The following ICA1 variants were observed in gnomAD, a reference collection of about 807,000 sequenced individuals.
The protein encoded by ICA1 is 69 kDa islet cell autoantigen.
ICA1 carries 40 observed loss-of-function variants against 71.0 expected under a neutral mutation model. The observed-to-expected ratio is 0.56, with a 90% CI of 0.44 to 0.73. The LOEUF (loss-of-function observed/expected upper bound fraction) is 0.73. ICA1 is among the 30% of genes least tolerant of loss of function. ICA1 has a pLI of 0.00. For synonymous variants in ICA1, 207 were observed against 209.5 expected (o/e 0.99, Z 0.10); for missense variants, 578 against 576.5 (o/e 1.00, Z -0.03).
At chr7:8,126,246 T>C (rs1250732265) in intron 13 of ICA1, among the ~76,000 whole-genome samples, 1 of 151,968 alleles carries the variant, frequency 6.6e-6, no homozygotes, top group Admixed American at 6.6e-5. Flanking sequence ...TGCTGGGGAG[T>C]CCTCAGCAGC....
intron 5 of ICA1, among the ~76,000 whole-genome samples, chr7:8,219,581 T>C (rs1796427582): frequency 6.6e-6 from 1 of 152,252 alleles, no homozygotes; most frequent in South Asian, 2.1e-4. Context: ...TGAGTACTTG[T>C]ATAAGAATAA....
intron 6 of ICA1, among the ~76,000 whole-genome samples, chr7:8,215,656 T>C (rs1376535728): frequency 1.3e-5 from 2 of 152,228 alleles, no homozygotes; most frequent in Non-Finnish European, 2.9e-5. Context: ...GAGTGGATAC[T>C]AAGGAATCCA....
Position 8,248,946 on chromosome 7 carries a change from TC to T in ICA1, c.-79-12942del, listed in dbSNP as rs1034377653. 7.1e-4 allele frequency among the ~76,000 whole-genome samples: 108 copies of T among 152,382 alleles called. 1 individual carries two copies. Among genetic ancestry groups the T allele is most frequent in the African/African-American group, 2.5e-3 (103 of 41,590 alleles). ...TACCTTGTCAACTGTCAGTCATTTT[TC>T]TTTCTTCATGGAATATAAATGGTAA... On this transcript the variant is annotated intron_variant, in intron 1 of 13. Coordinates refer to ENST00000402384, the MANE Select transcript of ICA1 (RefSeq NM_001136020.3).
intron 13 of ICA1, among the ~76,000 whole-genome samples, chr7:8,127,349 A>G (rs755333043): frequency 6.6e-6 from 1 of 152,012 alleles, no homozygotes; most frequent in African/African-American, 2.4e-5. Context: ...TGAGGAGGTA[A>G]TGTTTGGCCC....
intron 8 of ICA1, among the ~76,000 whole-genome samples, chr7:8,153,064 C>G (rs1320520327): frequency 6.6e-6 from 1 of 152,228 alleles, no homozygotes; most frequent in Non-Finnish European, 1.5e-5. Context: ...ATCACCAACA[C>G]AAACACTGCT....
At chr7:8,258,082 C>G (rs1324087913) in intron 1 of ICA1, among the ~76,000 whole-genome samples, 2 of 152,154 alleles carry the variant, frequency 1.3e-5, no homozygotes, top group East Asian at 3.9e-4. Context: ...TTTCTCTGCC[C>G]TTTCTCCTGT....
intron 6 of ICA1, among the ~76,000 whole-genome samples, chr7:8,174,622 G>C (rs543610016): frequency 5.9e-5 from 9 of 151,558 alleles, no homozygotes; most frequent in Non-Finnish European, 1.2e-4. Flanking sequence ...GGCAAAACCG[G>C]GTTTCTACAA....
chr7:8,139,691 T>G (rs570054274), intron 10 of ICA1, among the ~76,000 whole-genome samples: 8 of 152,236 alleles, frequency 5.3e-5, no homozygotes, highest in Non-Finnish European at 8.8e-5. Context: ...ATGATGTCAA[T>G]GTAGGTTTAT....
chr7:8,250,092 G>A (rs1807632900), intron 1 of ICA1, among the ~76,000 whole-genome samples: 1 of 152,162 alleles, frequency 6.6e-6, no homozygotes, highest in Admixed American at 6.6e-5. Context: ...GGGAAATACT[G>A]ATTTGTCAGA....
At chr7:8,159,819 C>A (rs903066883) in intron 6 of ICA1, among the ~76,000 whole-genome samples, 1 of 152,086 alleles carries the variant, frequency 6.6e-6, no homozygotes, top group Admixed American at 6.6e-5. Flanking sequence ...TAGAGAAAAC[C>A]AGCCAATTTT....
In ICA1 at chr7:8,114,448, C is replaced by A. The variant is rs147123864; in HGVS notation, c.1331-404G>T. On this transcript the variant is annotated intron_variant, in intron 13 of 13. Coordinates refer to ENST00000402384, the MANE Select transcript of ICA1 (RefSeq NM_001136020.3). ...CCACTGTCTGCTGGAGGAATCTTTT[C>A]AAATCTGCTGGGTCAGGAGAAATAT... Among the ~76,000 whole-genome samples the A allele has an allele frequency of 3.9e-3, 587 of 152,302 alleles. 2 individuals carry two copies. The highest frequency in any genetic ancestry group is 0.015 in the East Asian group (77 of 5,186).
At chr7:8,148,011 C>T (rs1176100923) in intron 8 of ICA1, among the ~76,000 whole-genome samples, 2 of 152,032 alleles carry the variant, frequency 1.3e-5, no homozygotes, top group African/African-American at 4.8e-5. Flanking sequence ...TGTGAATGAC[C>T]GTGGGGGTGT....
At chr7:8,118,309 T>C (rs1266988184) in intron 13 of ICA1, among the ~76,000 whole-genome samples, 1 of 152,216 alleles carries the variant, frequency 6.6e-6, no homozygotes, top group Admixed American at 6.5e-5. Flanking sequence ...TTGTTATTCA[T>C]TGGAAAGGTG....
At position 8,192,004 on chromosome 7, in the gene ICA1, T is replaced by C. The variant is rs559627739; in HGVS notation, c.579+26301A>G. On this transcript the variant is annotated intron_variant, in intron 6 of 13. Transcript: ENST00000402384. ...TTCATTTTCTAAATACAAACACACA[T>C]AGATTTTTTCCTAAACTGTTTAAGA... 5.3e-5 allele frequency among the ~76,000 whole-genome samples: 8 copies of C among 152,272 alleles called. No individual in the cohort carries two copies. In the East Asian group the frequency reaches 1.3e-3, roughly 26 times the overall value.
At chr7:8,141,352 T>G (rs1211133448) in intron 10 of ICA1, among the ~76,000 whole-genome samples, 1 of 152,194 alleles carries the variant, frequency 6.6e-6, no homozygotes, top group African/African-American at 2.4e-5. Flanking sequence ...TTTCCAACAT[T>G]GACAAACATC....
chr7:8,169,125 T>C (rs1807294322), intron 6 of ICA1, among the ~76,000 whole-genome samples: 1 of 152,112 alleles, frequency 6.6e-6, no homozygotes, highest in Non-Finnish European at 1.5e-5. Flanking sequence ...GTCTATAGTC[T>C]TTTTTTGTGG....
intron 6 of ICA1, among the ~76,000 whole-genome samples, chr7:8,179,326 T>C (rs935936992): frequency 6.6e-6 from 1 of 152,204 alleles, no homozygotes; most frequent in African/African-American, 2.4e-5. Flanking sequence ...AAGAAGAGGC[T>C]AAATGACTTA....
At chr7:8,244,537 C>T (rs2128499140) in intron 1 of ICA1, among the ~76,000 whole-genome samples, 1 of 152,272 alleles carries the variant, frequency 6.6e-6, no homozygotes. Context: ...GCAATGGCAA[C>T]AAAAGCCAAA....
intron 13 of ICA1, among the ~76,000 whole-genome samples, chr7:8,115,906 C>T (rs1784651458): frequency 6.6e-6 from 1 of 152,202 alleles, no homozygotes; most frequent in Admixed American, 6.5e-5. Flanking sequence ...TTGGTGGTGG[C>T]AATGGTATTT....
Sources: gnomAD v4.1 joint callset for allele counts (sites outside exome capture counted in the v4.1 genomes callset) on GRCh38, gnomAD v4.1.1 for gene constraint, MANE v1.5 for transcripts, NCBI Gene and HGNC (gene_info 2026-07-23, HGNC 2026-07-21) for gene names.